Variants in RASAL2 observed in about 807,000 individuals in gnomAD.
RASAL2 encodes the protein RAS protein activator like 2, also known as ras GTPase-activating protein nGAP.
RASAL2 carries 58 observed loss-of-function variants against 128.9 expected under a neutral mutation model. The observed-to-expected ratio is 0.45, with a 90% CI of 0.36 to 0.56. The LOEUF (loss-of-function observed/expected upper bound fraction) is 0.56. Ranked by LOEUF, RASAL2 falls within the 20% of genes least tolerant of loss-of-function variation. RASAL2 has a pLI of 0.00. For synonymous variants in RASAL2, 561 were observed against 580.8 expected (o/e 0.97, Z 0.49); for missense variants, 1,360 against 1,601.6 (o/e 0.85, Z 2.57).
intron 1 of RASAL2, among the ~76,000 whole-genome samples, chr1:178,144,153 G>A (rs968361967): frequency 2.0e-5 from 3 of 152,084 alleles, no homozygotes; most frequent in African/African-American, 7.2e-5. Context: ...CCATGTTGCT[G>A]AGCCCAGTGG....
rs71699665 is a variant in RASAL2 at position 178,387,364 on chromosome 1, A to AT, written c.458-2726dup. On this transcript the variant is annotated intron_variant, in intron 3 of 17. Coordinates refer to ENST00000367649, the MANE Select transcript of RASAL2 (RefSeq NM_170692.4). The stretch of plus-strand genomic sequence containing the variant: ...TTTTTTCCCATAATACAGAAAGAGA[A>AT]TTTTTTTTTTAATTTTATTATTATT... Among the ~76,000 whole-genome samples the AT allele has an allele frequency of 6.0e-5, 9 of 150,726 alleles. No individual in the cohort carries two copies. In the South Asian group the frequency reaches 6.3e-4, roughly 11 times the overall value.
chr1:178,422,524 G>A (rs74131347), intron 5 of RASAL2, among the ~76,000 whole-genome samples: 36 of 152,078 alleles, frequency 2.4e-4, no homozygotes, highest in Non-Finnish European at 4.4e-4. Context: ...GTATAGAGGT[G>A]TACTCAATAT....
intron 1 of RASAL2, among the ~76,000 whole-genome samples, chr1:178,168,384 G>C (rs2101906610): frequency 6.6e-6 from 1 of 151,546 alleles, no homozygotes; most frequent in East Asian, 1.9e-4. Flanking sequence ...AAGTTTATCA[G>C]AAATATTACT....
At chr1:178,448,638 T>A (rs1677177950) in intron 9 of RASAL2, among the ~76,000 whole-genome samples, 1 of 152,068 alleles carries the variant, frequency 6.6e-6, no homozygotes, top group Non-Finnish European at 1.5e-5. Flanking sequence ...TAATGATTTG[T>A]GTTTTGTTAA....
intron 2 of RASAL2, among the ~76,000 whole-genome samples, chr1:178,298,133 T>G (rs2102263554): frequency 6.6e-6 from 1 of 152,310 alleles, no homozygotes; most frequent in East Asian, 1.9e-4. Context: ...ACAGGATATG[T>G]TTCGCCTTTT....
intron 3 of RASAL2, among the ~76,000 whole-genome samples, chr1:178,334,973 G>T (rs554521108): frequency 5.1e-4 from 77 of 151,844 alleles, no homozygotes; most frequent in Admixed American, 6.6e-4. Context: ...AAAAAAAAAT[G>T]TATTTTAAAA....
intron 4 of RASAL2, among the ~76,000 whole-genome samples, chr1:178,420,160 G>T (rs899790430): frequency 5.9e-5 from 9 of 152,002 alleles, no homozygotes; most frequent in Admixed American, 5.2e-4. Context: ...GAAATTGCTG[G>T]TACCATCTTC....
intron 5 of RASAL2, among the ~76,000 whole-genome samples, chr1:178,428,473 C>CTTTTTTTT (rs1557981640): frequency 6.6e-6 from 1 of 151,376 alleles, no homozygotes; most frequent in African/African-American, 2.4e-5. Flanking sequence ...ATGATTTTAG[C>CTTTTTTTT]TTTTATATAT....
At chr1:178,099,928 C>G (rs1259832649) in intron 1 of RASAL2, among the ~76,000 whole-genome samples, 8 of 152,014 alleles carry the variant, frequency 5.3e-5, no homozygotes, top group Non-Finnish European at 1.2e-4. Context: ...CACCGTTGCA[C>G]TGCAGCCTGG....
intron 9 of RASAL2, among the ~76,000 whole-genome samples, chr1:178,446,127 T>C (rs1299636046): frequency 6.6e-6 from 1 of 152,216 alleles, no homozygotes; most frequent in Admixed American, 6.5e-5. Flanking sequence ...ATTTTTAACA[T>C]AACTAATTTT....
chr1:178,453,406 A>T (rs986269705), intron 11 of RASAL2, among the ~76,000 whole-genome samples: 2 of 152,036 alleles, frequency 1.3e-5, no homozygotes, highest in African/African-American at 4.8e-5. Flanking sequence ...AAGAAAAAAA[A>T]AAAAATCTGT....
At chr1:178,136,756 C>CAAAAAAAAA (rs397982072) in intron 1 of RASAL2, among the ~76,000 whole-genome samples, 37 of 47,212 alleles carry the variant, frequency 7.8e-4, no homozygotes, top group African/African-American at 3.3e-3. Flanking sequence ...GACTCTGTCT[C>CAAAAAAAAA]AAAAAAAAAA....
Position 178,457,825 on chromosome 1 carries a change from G to A in RASAL2, c.2533G>A (p.Gly845Ser), listed in dbSNP as rs1319221428. The part of the protein sequence containing the change: ...KDERESSLPN[G>S]RSVSLMDLQD... ...TGAAAGGGAAAGTAGCCTTCCTAAT[G>A]GTCGGAGCGTCTCCCTCATGGACCT... Residue 845 changes from glycine (G) to serine (S), a missense_variant, in exon 14 of 18, where the codon GGT becomes AGT. This residue lies in a region of RASAL2 where 741 missense variants were observed against 868.6 expected (regional missense o/e 0.85). Transcript: ENST00000367649. 6.2e-7 allele frequency: 1 copy of A among 1,614,204 alleles called. No homozygotes were observed. The highest frequency in any genetic ancestry group is 8.5e-7 in the Non-Finnish European group (1 of 1,180,028).
At chr1:178,346,403 T>TTAA (rs540054170) in intron 3 of RASAL2, among the ~76,000 whole-genome samples, 3 of 143,686 alleles carry the variant, frequency 2.1e-5, no homozygotes, top group Admixed American at 7.0e-5. Flanking sequence ...CTTGTATCTT[T>TTAA]AAAAAAAAAA....
intron 1 of RASAL2, among the ~76,000 whole-genome samples, chr1:178,151,220 A>G (rs1660904206): frequency 1.3e-5 from 2 of 152,170 alleles, no homozygotes. Context: ...AACCTGGCCA[A>G]CATGGTGAAA....
intron 7 of RASAL2, 93 bp from the exon 8 acceptor site, chr1:178,442,580 AAT>A: frequency 9.7e-7 from 1 of 1,033,426 alleles, no homozygotes; most frequent in Non-Finnish European, 1.4e-6. Flanking sequence ...GACTCCCCTT[AAT>A]AGAGTACCTA....
At chr1:178,463,351 A>C (rs1647311357) in intron 14 of RASAL2, among the ~76,000 whole-genome samples, 1 of 152,202 alleles carries the variant, frequency 6.6e-6, no homozygotes, top group African/African-American at 2.4e-5. Flanking sequence ...CCTAATATAA[A>C]TTGTAATATC....
At chr1:178,370,957 C>A (rs909915086) in intron 3 of RASAL2, among the ~76,000 whole-genome samples, 4 of 151,898 alleles carry the variant, frequency 2.6e-5, no homozygotes, top group Non-Finnish European at 5.9e-5. Context: ...AAGCAAAGAC[C>A]AGATTCTTAG....
At chr1:178,435,472 A>G (rs1676198006) in intron 5 of RASAL2, among the ~76,000 whole-genome samples, 2 of 152,088 alleles carry the variant, frequency 1.3e-5, no homozygotes, top group Admixed American at 6.6e-5. Flanking sequence ...CTGATTTCAT[A>G]TAGGGATGAG....
Sources: gnomAD v4.1 joint callset for allele counts (sites outside exome capture counted in the v4.1 genomes callset) on GRCh38, gnomAD v4.1.1 for gene constraint, gnomAD v4.1.1 regional missense constraint, MANE v1.5 for transcripts, NCBI Gene and HGNC (gene_info 2026-07-23, HGNC 2026-07-21) for gene names.